The following NNT variants were observed in gnomAD, a reference collection of about 807,000 sequenced individuals.
The protein encoded by NNT is nicotinamide nucleotide transhydrogenase, also known as NAD(P) transhydrogenase, mitochondrial.
NNT carries 50 observed loss-of-function variants against 104.8 expected under a neutral mutation model. The ratio of observed to expected loss-of-function variants is 0.48; its 90% CI spans 0.38 to 0.60. The LOEUF (loss-of-function observed/expected upper bound fraction) is 0.60. Among genes scored for constraint, NNT ranks in the 20% least tolerant of loss-of-function variants. The pLI is 0.00. For missense variants in NNT, 1,131 were observed against 1,330.7 expected (o/e 0.85, Z 2.33); for synonymous variants, 461 against 490.4 (o/e 0.94, Z 0.79).
rs387907233 is a variant in NNT, at chr5:43,700,172, T to C, written c.2930T>C (p.Leu977Pro). The C allele has an allele frequency of 6.2e-7, 1 of 1,613,878 alleles. No individual in the cohort carries two copies. Among genetic ancestry groups the C allele is most frequent in the South Asian group, 1.1e-5 (1 of 91,022 alleles). The change falls in exon 20 of 22, where the codon CTG becomes CCG. Residue 977 changes from leucine to proline, a missense_variant. Transcript: ENST00000344920. ...ATGCCTGGTCAGCTTAATGTGCTGC[T>C]GGCTGAGGCTGGTGTGCCATATGAC... ...GRMPGQLNVL[L>P]AEAGVPYDIV...
intron 17 of NNT, among the ~76,000 whole-genome samples, chr5:43,669,178 G>A (rs1001902381): frequency 1.6e-4 from 24 of 151,978 alleles, no homozygotes. Context: ...AGGAGATTTT[G>A]GGCTGAGACA....
At chr5:43,634,998 T>C (rs1439243616) in intron 7 of NNT, among the ~76,000 whole-genome samples, 2 of 152,208 alleles carry the variant, frequency 1.3e-5, no homozygotes, top group African/African-American at 2.4e-5. Flanking sequence ...TTGTAAAGGA[T>C]TGGGAGACTG....
intron 5 of NNT, among the ~76,000 whole-genome samples, chr5:43,619,324 G>A (rs993235587): frequency 2.6e-5 from 4 of 152,010 alleles, no homozygotes; most frequent in South Asian, 2.1e-4. Flanking sequence ...GAAAGTTCTA[G>A]TCTTTTCTGT....
In NNT at chr5:43,620,668, T is replaced by G. The variant is rs80060417; in HGVS notation, c.687+1549T>G. Among the ~76,000 whole-genome samples, 737 of 152,318 alleles carry G rather than the reference T, an allele frequency of 4.8e-3. 6 individuals are homozygous for G. Among genetic ancestry groups the G allele is most frequent in the African/African-American group, 0.016 (661 of 41,562 alleles). On this transcript the variant is annotated intron_variant, in intron 5 of 21. Transcript: ENST00000344920. Reference sequence around the variant, plus strand: ...AGGCCAGGTGAAAAAAATGGCAGGCTGTTTAAGTGTAGGCCAGAATACTTA... The same window carrying G: ...AGGCCAGGTGAAAAAAATGGCAGGCGGTTTAAGTGTAGGCCAGAATACTTA...
At chr5:43,669,119 C>T (rs560378680) in intron 17 of NNT, among the ~76,000 whole-genome samples, 19 of 152,180 alleles carry the variant, frequency 1.2e-4, no homozygotes, top group Non-Finnish European at 2.4e-4. Flanking sequence ...GTGATTTTTG[C>T]ACATTGATTT....
chr5:43,654,495 C>T (rs1294777458), intron 14 of NNT, among the ~76,000 whole-genome samples: 1 of 152,214 alleles, frequency 6.6e-6, no homozygotes, highest in Non-Finnish European at 1.5e-5. Context: ...GAGTGAAGTT[C>T]TCGCATACAT....
chr5:43,699,202 A>C (rs1015014311), intron 19 of NNT, among the ~76,000 whole-genome samples: 1 of 151,876 alleles, frequency 6.6e-6, no homozygotes, highest in Non-Finnish European at 1.5e-5. Flanking sequence ...TTAAGTGTAG[A>C]GCTCTGCTTG....
intron 19 of NNT, among the ~76,000 whole-genome samples, chr5:43,686,503 A>T (rs1561323084): frequency 6.6e-6 from 1 of 152,058 alleles, no homozygotes; most frequent in Non-Finnish European, 1.5e-5. Flanking sequence ...TGTAGCTGCA[A>T]ATACAAATAA....
At chr5:43,621,182 G>A (rs915818548) in intron 5 of NNT, among the ~76,000 whole-genome samples, 1 of 152,218 alleles carries the variant, frequency 6.6e-6, no homozygotes, top group Non-Finnish European at 1.5e-5. Context: ...GGCCACAAGT[G>A]GCCCAGGACG....
chr5:43,670,339 G>C (rs1740986697), intron 17 of NNT, among the ~76,000 whole-genome samples: 2 of 151,970 alleles, frequency 1.3e-5, no homozygotes, highest in African/African-American at 4.8e-5. Context: ...GAATGTGTTT[G>C]CTCTTGCTTC....
At chr5:43,679,728 G>A (rs890245684) in intron 19 of NNT, among the ~76,000 whole-genome samples, 1 of 152,044 alleles carries the variant, frequency 6.6e-6, no homozygotes, top group Non-Finnish European at 1.5e-5. Flanking sequence ...TTGATGAAAG[G>A]TTTAAGAGAA....
At chr5:43,665,177 C>G (rs1419293533) in intron 17 of NNT, among the ~76,000 whole-genome samples, 2 of 150,874 alleles carry the variant, frequency 1.3e-5, no homozygotes, top group Non-Finnish European at 3.0e-5. Context: ...GATGAAACCT[C>G]TTTGTTCACT....
intron 10 of NNT, chr5:43,645,735 GA>G (rs1390374386): frequency 4.0e-4 from 14 of 35,200 alleles, no homozygotes; most frequent in African/African-American, 1.4e-3. Flanking sequence ...TTTTTTTTGA[GA>G]CGGAGTCTCG....
chr5:43,685,484 TA>T (rs1422646768), intron 19 of NNT, among the ~76,000 whole-genome samples: 2 of 152,162 alleles, frequency 1.3e-5, no homozygotes, highest in East Asian at 1.9e-4. Flanking sequence ...GTAAAGAGCT[TA>T]TTTTTTTTAA....
chr5:43,675,957 C>T (rs968939761), intron 18 of NNT, among the ~76,000 whole-genome samples: 1 of 152,016 alleles, frequency 6.6e-6, no homozygotes, highest in Admixed American at 6.6e-5. Flanking sequence ...TTTTTCTTCT[C>T]ATTGGTAATT....
At chr5:43,628,516 G>A in intron 7 of NNT, 129 bp downstream of exon 7, 1 of 634,968 alleles carries the variant, frequency 1.6e-6, no homozygotes. Flanking sequence ...TATTATAAAA[G>A]TACTAGAAAA....
chr5:43,691,070 A>AGAGAGAGAGAGTGTGTGT (rs1245517310), intron 19 of NNT, among the ~76,000 whole-genome samples: 3 of 137,400 alleles, frequency 2.2e-5, no homozygotes, highest in African/African-American at 5.5e-5. Context: ...TTTTTGAGAG[A>AGAGAGAGAGAGTGTGTGT]GTGTGTGTGT....
At chr5:43,691,561 C>G (rs1742286725) in intron 19 of NNT, among the ~76,000 whole-genome samples, 1 of 152,102 alleles carries the variant, frequency 6.6e-6, no homozygotes. Flanking sequence ...CCTTTGGTAA[C>G]TGGGGGAAAA....
chr5:43,699,282 G>T (rs78623207), intron 19 of NNT, among the ~76,000 whole-genome samples: 10,965 of 149,990 alleles, frequency 0.073, 540 homozygotes, highest in Non-Finnish European at 0.11. Context: ...ATGTGGAGTA[G>T]TATTTTATAT....
Sources: allele counts gnomAD v4.1 joint callset (sites outside exome capture counted in the v4.1 genomes callset), GRCh38; gene constraint gnomAD v4.1.1; transcripts MANE v1.5; gene names NCBI Gene and HGNC (gene_info 2026-07-23, HGNC 2026-07-21).